MYBPC1: variants seen among roughly 807,000 people sequenced by gnomAD.
MYBPC1 encodes the protein myosin-binding protein C, slow-type.
Under a neutral mutation model 147.1 loss-of-function variants are expected in MYBPC1, and 52 were observed. The observed-to-expected ratio is 0.35, with a 90% CI of 0.28 to 0.45. MYBPC1 has a LOEUF of 0.45. MYBPC1 is among the 20% of genes least tolerant of loss of function. MYBPC1 has a pLI of 1.00. For missense variants in MYBPC1, 1,228 were observed against 1,440.3 expected, an observed-to-expected ratio of 0.85 and a Z score of 2.39; for synonymous variants, 477 against 475.9, an observed-to-expected ratio of 1.00 and a Z score of -0.03.
intron 18 of MYBPC1, among the ~76,000 whole-genome samples, chr12:101,658,318 G>T (rs1895949745): frequency 6.6e-6 from 1 of 151,588 alleles, no homozygotes; most frequent in Non-Finnish European, 1.5e-5. Context: ...GATGCAGAAA[G>T]AATCTTTGAC....
intron 17 of MYBPC1, 108 bp downstream of exon 17, chr12:101,652,892 C>A: frequency 8.9e-7 from 1 of 1,121,196 alleles, no homozygotes; most frequent in Non-Finnish European, 1.3e-6. Context: ...AGGAAAAATA[C>A]ATCAATTGGT....
downstream of MYBPC1, among the ~76,000 whole-genome samples, chr12:101,688,247 T>A (rs919346460): frequency 6.6e-6 from 1 of 151,998 alleles, no homozygotes; most frequent in Non-Finnish European, 1.5e-5. Context: ...GGTGAAGCCT[T>A]GTCTCTACTA....
chr12:101,614,533 T>C lies in MYBPC1; in HGVS notation c.61+2T>C, dbSNP rs1885357384. ...CAGCCCCAGCCCCACCCCCGGAAGGTGAGTAAAAACACTCACTCACACACG... is the reference window on the plus strand; with the variant it reads ...CAGCCCCAGCCCCACCCCCGGAAGGCGAGTAAAAACACTCACTCACACACG... On this transcript the variant is annotated splice_donor_variant, in intron 2 of 31. Coordinates refer to ENST00000361466, the MANE Select transcript of MYBPC1 (RefSeq NM_002465.4). LOFTEE classifies it high-confidence loss of function. The C allele has an allele frequency of 1.2e-6, 2 of 1,613,270 alleles. No homozygotes were observed. The highest frequency in any genetic ancestry group is 1.7e-6 in the Non-Finnish European group (2 of 1,179,848).
At chr12:101,618,572 A>T (rs1008353800) in intron 3 of MYBPC1, among the ~76,000 whole-genome samples, 2 of 152,216 alleles carry the variant, frequency 1.3e-5, no homozygotes, top group African/African-American at 4.8e-5. Context: ...AGAGCAGATG[A>T]TGTAATCCCA....
Position 101,648,160 on chromosome 12 carries a change from C to G in MYBPC1, c.1196+10C>G. On this transcript the variant is annotated intron_variant, in intron 14 of 31. Coordinates refer to ENST00000361466, the MANE Select transcript of MYBPC1 (RefSeq NM_002465.4). ...ATGCCAATGTAAAATGGTAAATAGC[C>G]TTAATGAAGTCTGTCCATGTTTAAT... is the stretch of plus-strand genomic sequence containing the variant. 2 of 1,588,582 alleles carry G rather than the reference C, an allele frequency of 1.3e-6. No homozygotes were observed. The highest frequency in any genetic ancestry group is 2.2e-5 in the South Asian group (2 of 90,362).
At chr12:101,603,821 C>T (rs1166429821) in intron 1 of MYBPC1, among the ~76,000 whole-genome samples, 1 of 152,110 alleles carries the variant, frequency 6.6e-6, no homozygotes, top group Admixed American at 6.5e-5. Flanking sequence ...CCTGTAGTCC[C>T]AGCTACTTGG....
chr12:101,682,607 T>TC lies in MYBPC1; in HGVS notation c.3437_3438insC (p.Tyr1147IlefsTer23). The TC allele has an allele frequency of 6.2e-7, 1 of 1,612,432 alleles. No homozygotes were observed. Among genetic ancestry groups the TC allele is most frequent in the African/African-American group, 1.3e-5 (1 of 74,994 alleles). The stretch of plus-strand genomic sequence containing the variant: ...TACAAATATTCTGATTCTGCAGTGA[T>TC]ATATCAAGGAGTAAATACCCCTGGA... On this transcript the variant is annotated frameshift_variant, in exon 30 of 32. Transcript: ENST00000361466. LOFTEE classifies it high-confidence loss of function.
chr12:101,629,813 C>T (rs1262200850), intron 6 of MYBPC1, among the ~76,000 whole-genome samples: 3 of 151,598 alleles, frequency 2.0e-5, no homozygotes, highest in Admixed American at 1.3e-4. Flanking sequence ...GCGGAGGTTG[C>T]AGTGAACCGA....
At chr12:101,601,164 A>G (rs1879763101) in intron 1 of MYBPC1, among the ~76,000 whole-genome samples, 1 of 152,234 alleles carries the variant, frequency 6.6e-6, no homozygotes, top group South Asian at 2.1e-4. Context: ...AAAAGAAGAA[A>G]AGACTTTGTC....
rs573622549 is a variant in MYBPC1 at position 101,618,069 on chromosome 12, C to G, written c.103+826C>G. Reference sequence around the variant, plus strand: ...TAAAAAAGTTTAAATTTTGGAATAACTATTTCCTGACTGCAACAAGAAGTT... The same window carrying G: ...TAAAAAAGTTTAAATTTTGGAATAAGTATTTCCTGACTGCAACAAGAAGTT... On this transcript the variant is annotated intron_variant, in intron 3 of 31. Coordinates refer to ENST00000361466, the MANE Select transcript of MYBPC1 (RefSeq NM_002465.4). Among the ~76,000 whole-genome samples the G allele has an allele frequency of 9.2e-5, 14 of 152,298 alleles. No individual in the cohort carries two copies. The South Asian group carries it at 2.9e-3, about 32-fold the overall frequency.
rs371309028 is a variant in MYBPC1 at position 101,649,981 on chromosome 12, C to A, written c.1363+555C>A. Reference sequence around the variant, plus strand: ...AACAGCAAATATCTCAAGATGATGTCACAAAAAGAGCAGAAATCTTACTTC... The same window carrying A: ...AACAGCAAATATCTCAAGATGATGTAACAAAAAGAGCAGAAATCTTACTTC... On this transcript the variant is annotated intron_variant, in intron 15 of 31. Coordinates refer to ENST00000361466, the MANE Select transcript of MYBPC1 (RefSeq NM_002465.4). Among the ~76,000 whole-genome samples the A allele has an allele frequency of 2.6e-5, 4 of 152,182 alleles. No homozygotes were observed. The East Asian group carries it at 5.8e-4, about 22-fold the overall frequency.
At chr12:101,626,997 C>A in intron 4 of MYBPC1, 87 bp downstream of exon 4, 1 of 1,268,396 alleles carries the variant, frequency 7.9e-7, no homozygotes, top group Non-Finnish European at 1.1e-6. Flanking sequence ...AGCCTCCTTG[C>A]TGAGTCAGTG....
intron 29 of MYBPC1, among the ~76,000 whole-genome samples, chr12:101,681,568 ATATATATATATATATATATATATATT>A (rs1950952328): frequency 6.4e-5 from 1 of 15,692 alleles, no homozygotes; most frequent in Non-Finnish European, 1.2e-4. Flanking sequence ...ATATATATAT[ATATATATATATATATATATATATATT>A]TTTTTTTTTT....
chr12:101,648,147 A>G lies in MYBPC1; in HGVS notation c.1193A>G (p.Lys398Arg). ...GTGTCTGAAGATGATGCCAATGTAA[A>G]ATGGTAAATAGCCTTAATGAAGTCT... ...CEVSEDDANV[K>R]WFKNGEEIIP... Residue 398 changes from lysine to arginine, a missense_variant, in exon 14 of 32, where the codon AAA becomes AGA. Around this residue, in one of 2 missense-constraint regions of MYBPC1, gnomAD observed 1,077 missense variants for 1,314.2 expected, o/e 0.82. Coordinates refer to ENST00000361466, the MANE Select transcript of MYBPC1 (RefSeq NM_002465.4). 1.2e-6 allele frequency: 2 copies of G among 1,604,950 alleles called. No individual in the cohort carries two copies. Among genetic ancestry groups the G allele is most frequent in the Non-Finnish European group, 8.5e-7 (1 of 1,172,240 alleles).
rs764291 is a variant in MYBPC1, at chr12:101,675,299, A to G, written c.2817A>G (p.Pro939=). The change falls in exon 26 of 32, where the codon CCA becomes CCG. Residue 939 remains proline, a synonymous_variant. Coordinates refer to ENST00000361466, the MANE Select transcript of MYBPC1 (RefSeq NM_002465.4). The part of the protein sequence containing the change: ...ASIDIQIIDR[P]GPPQIVKIED... ...CATGAATTCATCCTGTAGACCGTCC[A>G]GGTCCACCCCAAATTGTGAAGATTG... 418,315 of 1,613,562 alleles carry G rather than the reference A, an allele frequency of 0.26. 57,662 individuals carry two copies. The highest frequency in any genetic ancestry group is 0.32 in the Middle Eastern group (1,943 of 6,058).
chr12:101,651,582 G>T (rs1443252121), intron 16 of MYBPC1, among the ~76,000 whole-genome samples, 189 bp downstream of exon 16: 1 of 152,190 alleles, frequency 6.6e-6, no homozygotes, highest in African/African-American at 2.4e-5. Context: ...TCATAATCCT[G>T]TATCTGTACC....
chr12:101,617,040 A>G, intron 2 of MYBPC1, 162 bp from the exon 3 acceptor site: 1 of 657,368 alleles, frequency 1.5e-6, no homozygotes, highest in South Asian at 2.0e-5. Flanking sequence ...TCTAAGTTAT[A>G]ATTTCTAAAT....
rs1374728371 is a variant in MYBPC1, at chr12:101,629,287, C to A, written c.179-147C>A. ...ATCTGTTCCCCTCTACTGATGGCTG[C>A]TGGGGGCAGAAAGAATGATGTTGTA... is the stretch of plus-strand genomic sequence containing the variant. On this transcript the variant is annotated intron_variant, in intron 5 of 31. Transcript: ENST00000361466. 5.8e-6 allele frequency: 4 copies of A among 691,020 alleles called. No homozygotes were observed. The African/African-American group carries it at 7.0e-5, about 12-fold the overall frequency. The allele number at this position is 691,020 out of a possible 1,614,324, so 42.8% of individuals were successfully genotyped here.
chr12:101,685,818 A>G lies in MYBPC1; in HGVS notation c.*256A>G. 1 of 634,162 alleles carries G rather than the reference A, an allele frequency of 1.6e-6. No individual in the cohort carries two copies. Among genetic ancestry groups the G allele is most frequent in the Admixed American group, 3.4e-5 (1 of 29,220 alleles). 39.3% of individuals were successfully genotyped at this position (634,162 alleles called of 1,614,324 possible). On this transcript the variant is annotated 3_prime_UTR_variant, in exon 32 of 32. Coordinates refer to ENST00000361466, the MANE Select transcript of MYBPC1 (RefSeq NM_002465.4). ...TCCTCCTAATGTTGAAGAGAAAAAA[A>G]AAAAAAAAAGTTTGCCCAGATTGCT...
Sources: allele counts gnomAD v4.1 joint callset (sites outside exome capture counted in the v4.1 genomes callset), GRCh38; gene constraint gnomAD v4.1.1; regional missense constraint gnomAD v4.1.1; transcripts MANE v1.5; gene names NCBI Gene and HGNC (gene_info 2026-07-23, HGNC 2026-07-21).